Variants in TXK observed in about 807,000 individuals in gnomAD.
TXK encodes the protein TXK tyrosine kinase.
A neutral mutation model predicts 81.0 loss-of-function variants in TXK; 60 were observed. The ratio of observed to expected loss-of-function variants is 0.74; its 90% CI spans 0.60 to 0.92. The LOEUF is 0.92. Among genes scored for constraint, TXK ranks in the 40% least tolerant of loss-of-function variants. The probability of loss-of-function intolerance (pLI) is 0.00; values close to 1 mark genes in which losing one functional copy is unlikely to be tolerated. For synonymous variants in TXK, 203 were observed against 210.7 expected (o/e 0.96, Z 0.32); for missense variants, 581 against 638.3 (o/e 0.91, Z 0.97).
intron 9 of TXK, among the ~76,000 whole-genome samples, chr4:48,089,017 T>C (rs1156603924): frequency 6.6e-6 from 1 of 152,190 alleles, no homozygotes; most frequent in Admixed American, 6.5e-5. Context: ...GTGGTTCAAA[T>C]TGAACTTTGT....
chr4:48,112,461 G>A lies in TXK; in HGVS notation c.226C>T (p.Pro76Ser). The change falls in exon 4 of 15, where the codon CCA becomes TCA. Residue 76 changes from proline to serine, a missense_variant. Pro to Ser is a moderately conservative substitution (Grantham distance 74, BLOSUM62 -1). Transcript: ENST00000264316. Reference sequence around the variant, plus strand: ...TTCTCTTCAGCAACCTCAGAGGGTGGGAGGGGAGGCAGTGGCTTTCGTTTT... The same window carrying A: ...TTCTCTTCAGCAACCTCAGAGGGTGAGAGGGGAGGCAGTGGCTTTCGTTTT... ...PSKRKPLPPLPPSEVAEEKIQ... is the reference protein window; with the variant it reads ...PSKRKPLPPLSPSEVAEEKIQ... The A allele has an allele frequency of 2.5e-6, 4 of 1,614,192 alleles. No homozygotes were observed. The highest frequency in any genetic ancestry group is 3.4e-6 in the Non-Finnish European group (4 of 1,180,022).
intron 7 of TXK, among the ~76,000 whole-genome samples, chr4:48,094,537 AG>A (rs1415706479): frequency 6.6e-6 from 1 of 152,198 alleles, no homozygotes; most frequent in Non-Finnish European, 1.5e-5. Context: ...AAGCAATTGG[AG>A]ATGGGAGACA....
intron 9 of TXK, among the ~76,000 whole-genome samples, chr4:48,087,462 G>A (rs146155945): frequency 6.6e-6 from 1 of 151,488 alleles, no homozygotes; most frequent in Non-Finnish European, 1.5e-5. Flanking sequence ...TGGAGGAAGG[G>A]TCTCACTCTC....
intron 1 of TXK, among the ~76,000 whole-genome samples, chr4:48,116,113 G>A (rs548954094): frequency 6.6e-6 from 1 of 152,286 alleles, no homozygotes; most frequent in South Asian, 2.1e-4. Context: ...TAAATAGTAT[G>A]TACTCCCTTT....
At position 48,074,002 on chromosome 4, in the gene TXK, G is replaced by T. The variant is rs576457369; in HGVS notation, c.1290C>A (p.Ile430=). 27 of 1,613,872 alleles carry T rather than the reference G, an allele frequency of 1.7e-5. No individual in the cohort carries two copies. Among genetic ancestry groups the T allele is most frequent in the Non-Finnish European group, 2.3e-5 (27 of 1,179,934 alleles). ...GAAAAACTTCAGGAGGGGACCACTT[G>T]ATTGGGAACTTGGCTCCAAAAGAAC... ...YVSSFGAKFP[I]KWSPPEVFLF... Residue 430 remains isoleucine, a synonymous_variant, in exon 13 of 15, where the codon ATC becomes ATA. Transcript: ENST00000264316.
In TXK at chr4:48,094,135, T is replaced by C. The variant is rs1234761663; in HGVS notation, c.651A>G (p.Glu217=). 6.2e-7 allele frequency: 1 copy of C among 1,613,902 alleles called. No homozygotes were observed. The highest frequency in any genetic ancestry group is 2.2e-5 in the East Asian group (1 of 44,888). ...KNDSGQWYVA[E]RHAFQSIPEL... Reference sequence around the variant, plus strand: ...CAGGGATTGATTGAAAGGCGTGTCTTTCAGCCACATACCACTGTCCTGAGT... The same window carrying C: ...CAGGGATTGATTGAAAGGCGTGTCTCTCAGCCACATACCACTGTCCTGAGT... Residue 217 remains glutamate (E), a synonymous_variant, in exon 8 of 15, where the codon GAA becomes GAG. Coordinates refer to ENST00000264316, the MANE Select transcript of TXK (RefSeq NM_003328.3).
chr4:48,102,445 A>G (rs1175388512), intron 6 of TXK, among the ~76,000 whole-genome samples: 1 of 152,160 alleles, frequency 6.6e-6, no homozygotes, highest in Non-Finnish European at 1.5e-5. Context: ...GAAGGTATAC[A>G]ATTTCTCACC....
chr4:48,097,310 T>C (rs996583555), intron 6 of TXK, among the ~76,000 whole-genome samples: 1 of 152,032 alleles, frequency 6.6e-6, no homozygotes, highest in East Asian at 1.9e-4. Flanking sequence ...TCGAATGAAA[T>C]GGATAATAAA....
rs1366687050 is a variant in TXK, at chr4:48,134,104, C to A, written c.16+51G>T. On this transcript the variant is annotated intron_variant, in intron 1 of 14. Transcript: ENST00000264316. Reference sequence around the variant, plus strand: ...AACTTCCTCTGCTGTTCAAGAATAACAGGCCCCAGAACAAGCCCCAAAAAT... The same window carrying A: ...AACTTCCTCTGCTGTTCAAGAATAAAAGGCCCCAGAACAAGCCCCAAAAAT... 14 of 1,604,124 alleles carry A rather than the reference C, an allele frequency of 8.7e-6. 1 individual carries two copies. The highest frequency in any genetic ancestry group is 1.3e-5 in the African/African-American group (1 of 74,360).
At chr4:48,092,058 T>C (rs1382674988) in intron 8 of TXK, among the ~76,000 whole-genome samples, 1 of 152,130 alleles carries the variant, frequency 6.6e-6, no homozygotes. Context: ...TTCCAACCCC[T>C]ACAAGGGGCT....
At chr4:48,130,700 C>T (rs921258844) in intron 1 of TXK, among the ~76,000 whole-genome samples, 1 of 152,214 alleles carries the variant, frequency 6.6e-6, no homozygotes, top group African/African-American at 2.4e-5. Flanking sequence ...CTGCCTACCA[C>T]AGCTACCCTC....
intron 12 of TXK, among the ~76,000 whole-genome samples, chr4:48,074,782 C>T (rs1056750809): frequency 6.6e-6 from 1 of 152,084 alleles, no homozygotes; most frequent in African/African-American, 2.4e-5. Flanking sequence ...CCCCTATACT[C>T]TCACTTTTTT....
intron 5 of TXK, chr4:48,109,496 A>G (rs925465684): frequency 6.6e-6 from 1 of 152,188 alleles, no homozygotes; most frequent in East Asian, 1.9e-4. Context: ...GAAGGGCTAA[A>G]TGGCTCCAAT....
chr4:48,107,127 A>G (rs2109461576), intron 5 of TXK, among the ~76,000 whole-genome samples: 1 of 151,646 alleles, frequency 6.6e-6, no homozygotes, highest in Non-Finnish European at 1.5e-5. Flanking sequence ...CTGAGCTTAT[A>G]AATAGGACTG....
Position 48,134,223 on chromosome 4 carries a change from T to C in TXK, c.-53A>G. 1.9e-6 allele frequency: 3 copies of C among 1,604,712 alleles called. No individual in the cohort carries two copies. The South Asian group carries it at 3.4e-5, about 18-fold the overall frequency. On this transcript the variant is annotated 5_prime_UTR_variant, in exon 1 of 15. Transcript: ENST00000264316. ...ACAGTCTTCAGTTCTTCTGCGGTGC[T>C]CTACTCACAAAAACACATCTTTCAA...
chr4:48,080,116 A>G lies in TXK; in HGVS notation c.969T>C (p.His323=). The G allele has an allele frequency of 6.2e-7, 1 of 1,612,770 alleles. No homozygotes were observed. Among genetic ancestry groups the G allele is most frequent in the Non-Finnish European group, 8.5e-7 (1 of 1,178,798 alleles). Residue 323 remains histidine (H), a synonymous_variant, in exon 11 of 15, where the codon CAT becomes CAC. Transcript: ENST00000264316. ...EEAKVMMKLS[H]SKLVQLYGVC... Reference sequence around the variant, plus strand: ...CTCCATAAAGTTGCACTAGCTTTGAATGAGATAATTTCCTGGTGAAGAAAA... The same window carrying G: ...CTCCATAAAGTTGCACTAGCTTTGAGTGAGATAATTTCCTGGTGAAGAAAA...
intron 1 of TXK, among the ~76,000 whole-genome samples, chr4:48,118,462 T>C (rs1317893195): frequency 6.6e-6 from 1 of 152,232 alleles, no homozygotes; most frequent in African/African-American, 2.4e-5. Flanking sequence ...CATTTTCATA[T>C]ATGCCACTTC....
intron 1 of TXK, 152 bp downstream of exon 1, chr4:48,134,003 A>G (rs1719312814): frequency 1.3e-6 from 1 of 774,144 alleles, no homozygotes; most frequent in African/African-American, 1.8e-5. Flanking sequence ...TTCTTTAAAT[A>G]AGAAACAAAA....
chr4:48,111,913 C>T (rs555128286), intron 4 of TXK, among the ~76,000 whole-genome samples: 1 of 152,284 alleles, frequency 6.6e-6, no homozygotes, highest in Admixed American at 6.5e-5. Context: ...ATTCTAGAAA[C>T]ATAAAAGTGA....
Sources: gnomAD v4.1 joint callset for allele counts (sites outside exome capture counted in the v4.1 genomes callset) on GRCh38, gnomAD v4.1.1 for gene constraint, MANE v1.5 for transcripts, NCBI Gene and HGNC (gene_info 2026-07-23, HGNC 2026-07-21) for gene names.